Variants in ESPNL observed in about 807,000 individuals in gnomAD.
ESPNL encodes the protein espin like.
Under a neutral mutation model 46.8 loss-of-function variants are expected in ESPNL, and 49 were observed. The ratio of observed to expected loss-of-function variants is 1.05; its 90% CI spans 0.83 to 1.33. ESPNL has a LOEUF of 1.33. Among genes scored for constraint, ESPNL ranks in the 40% most tolerant of loss-of-function variants. The pLI is 0.00. For missense variants in ESPNL, 1,540 were observed against 1,436.6 expected (o/e 1.07, Z -1.16); for synonymous variants, 664 against 662.1 (o/e 1.00, Z -0.04).
At position 238,116,892 on chromosome 2, in the gene ESPNL, C is replaced by T. The variant is rs751980999; in HGVS notation, c.856-11C>T. On this transcript the variant is annotated splice_polypyrimidine_tract_variant and intron_variant, in intron 4 of 8. Transcript: ENST00000343063. ...TCGTGGTGGGTCACATGTGTGCCCT[C>T]CTCACTGCAGTGCTGCCAGACCCTA... is the stretch of plus-strand genomic sequence containing the variant. 8 of 1,611,828 alleles carry T rather than the reference C, an allele frequency of 5.0e-6. No homozygotes were observed. The highest frequency in any genetic ancestry group is 2.2e-5 in the East Asian group (1 of 44,864).
chr2:238,126,068 G>C (rs541003507), intron 6 of ESPNL, among the ~76,000 whole-genome samples: 1 of 149,048 alleles, frequency 6.7e-6, no homozygotes, highest in Non-Finnish European at 1.5e-5. Flanking sequence ...GTGTGTGATT[G>C]TTCATGTGTG....
At chr2:238,100,799 G>C (rs2106462466) in intron 1 of ESPNL, 86 bp downstream of exon 1, 2 of 1,203,506 alleles carry the variant, frequency 1.7e-6, no homozygotes, top group African/African-American at 3.2e-5. Context: ...CAGAGTACTG[G>C]CCACCCCGGG....
chr2:238,128,949 T>C (rs1182971520), intron 8 of ESPNL, 45 bp downstream of exon 8: 2 of 1,507,042 alleles, frequency 1.3e-6, no homozygotes, highest in African/African-American at 1.4e-5. Flanking sequence ...GGCGGGGCCT[T>C]TTCCAGGTAG....
chr2:238,128,955 G>A lies in ESPNL; in HGVS notation c.1413+51G>A, dbSNP rs562606261. 30 of 1,503,862 alleles carry A rather than the reference G, an allele frequency of 2.0e-5. No individual in the cohort carries two copies. The African/African-American group carries it at 4.0e-4, about 20-fold the overall frequency. The allele number at this position is 1,503,862 out of a possible 1,614,324, so 93.2% of individuals were successfully genotyped here. Reference sequence around the variant, plus strand: ...AGTGGGCGGGGCGGGGCCTTTTCCAGGTAGGTGGAAGTGGAAGTCAGGGCG... The same window carrying A: ...AGTGGGCGGGGCGGGGCCTTTTCCAAGTAGGTGGAAGTGGAAGTCAGGGCG... On this transcript the variant is annotated intron_variant, in intron 8 of 8. Transcript: ENST00000343063.
chr2:238,115,511 C>T (rs1445852606), intron 4 of ESPNL, among the ~76,000 whole-genome samples: 1 of 152,264 alleles, frequency 6.6e-6, no homozygotes, highest in Non-Finnish European at 1.5e-5. Flanking sequence ...TGCCAGGCCC[C>T]CTGCCACACA....
At chr2:238,124,433 TTC>T (rs1692052565) in intron 5 of ESPNL, among the ~76,000 whole-genome samples, 1 of 152,170 alleles carries the variant, frequency 6.6e-6, no homozygotes, top group South Asian at 2.1e-4. Context: ...CTCACCAGGT[TTC>T]TCACTTGGCC....
intron 3 of ESPNL, among the ~76,000 whole-genome samples, chr2:238,105,614 C>T (rs1691579714): frequency 1.3e-5 from 2 of 151,612 alleles, no homozygotes; most frequent in Non-Finnish European, 2.9e-5. Context: ...AGGAGTGGGG[C>T]CCAAAGCAAC....
At chr2:238,121,235 G>A (rs1574739396) in intron 5 of ESPNL, among the ~76,000 whole-genome samples, 2 of 152,330 alleles carry the variant, frequency 1.3e-5, no homozygotes, top group East Asian at 3.9e-4. Context: ...TGGCTGTGGG[G>A]CTCTGAGTGC....
intron 3 of ESPNL, among the ~76,000 whole-genome samples, chr2:238,105,556 G>A (rs948387838): frequency 7.9e-5 from 12 of 151,802 alleles, no homozygotes; most frequent in African/African-American, 2.9e-4. Context: ...CCTCTTTGAG[G>A]AGGGGACTTG....
At chr2:238,129,191 G>A (rs1692220016) in intron 8 of ESPNL, 2 of 1,353,602 alleles carry the variant, frequency 1.5e-6, no homozygotes, top group South Asian at 3.7e-5. Context: ...AGGCCTTCCT[G>A]GGCGCAGCGT....
intron 6 of ESPNL, among the ~76,000 whole-genome samples, chr2:238,125,787 GTGGAGTGGAGTGGAGTGGAGTGGAA>G (rs996329894): frequency 2.0e-5 from 3 of 151,954 alleles, no homozygotes; most frequent in African/African-American, 7.2e-5. Flanking sequence ...GTGGAGTGGA[GTGGAGTGGAGTGGAGTGGAGTGGAA>G]TGGAATTATC....
chr2:238,131,474 G>A lies in ESPNL; in HGVS notation c.2760G>A (p.Glu920=). The change falls in exon 9 of 9, where the codon GAG becomes GAA. Residue 920 remains glutamate, a synonymous_variant. Transcript: ENST00000343063. ...GCCGGGCCTGGACCGACGGCTTCGAGGACATCAAAGCCCGCTTCTTTGGCT... is the reference window on the plus strand; with the variant it reads ...GCCGGGCCTGGACCGACGGCTTCGAAGACATCAAAGCCCGCTTCTTTGGCT... ...AGRRAWTDGF[E]DIKARFFGSS... The A allele has an allele frequency of 1.9e-6, 3 of 1,611,744 alleles. No individual in the cohort carries two copies. The highest frequency in any genetic ancestry group is 1.1e-5 in the South Asian group (1 of 91,026).
intron 5 of ESPNL, among the ~76,000 whole-genome samples, chr2:238,122,098 G>T (rs113385246): frequency 6.6e-6 from 1 of 152,248 alleles, no homozygotes; most frequent in African/African-American, 2.4e-5. Flanking sequence ...GGTCGGGGCC[G>T]TGGGGCCACA....
In ESPNL at chr2:238,130,194, A is replaced by C; in HGVS notation, c.1480A>C (p.Ile494Leu). The change falls in exon 9 of 9, where the codon ATC becomes CTC. Residue 494 changes from isoleucine (I) to leucine (L), a missense_variant. Transcript: ENST00000343063. ...GAGGTACTCACAGACTCATCAGGCC[A>C]TCCTGGGGCCCTTTGGGGAGCTGCT... ...AWRYSQTHQA[I>L]LGPFGELLTE... 1 of 1,612,712 alleles carries C rather than the reference A, an allele frequency of 6.2e-7. No homozygotes were observed. Among genetic ancestry groups the C allele is most frequent in the Non-Finnish European group, 8.5e-7 (1 of 1,179,850 alleles).
At chr2:238,101,587 G>A (rs964220326) in intron 1 of ESPNL, among the ~76,000 whole-genome samples, 1 of 152,188 alleles carries the variant, frequency 6.6e-6, no homozygotes, top group Non-Finnish European at 1.5e-5. Flanking sequence ...CCAGCCAGAG[G>A]TAGGTGTCCT....
intron 4 of ESPNL, among the ~76,000 whole-genome samples, chr2:238,113,077 G>T (rs1425823855): frequency 6.6e-6 from 1 of 152,120 alleles, no homozygotes; most frequent in Non-Finnish European, 1.5e-5. Context: ...CTATTATTCT[G>T]GATTTGTCTG....
chr2:238,117,049 C>T lies in ESPNL; in HGVS notation c.987+15C>T. The T allele has an allele frequency of 2.5e-6, 4 of 1,600,818 alleles. No homozygotes were observed. The highest frequency in any genetic ancestry group is 3.4e-6 in the Non-Finnish European group (4 of 1,174,204). On this transcript the variant is annotated intron_variant, in intron 5 of 8. Transcript: ENST00000343063. ...TGGCCCAGCCGGTAAGGCTCAGGGT[C>T]CCCAGCTGCCCTGGAGGCATGGGGG...
At chr2:238,128,959 G>GGTGGAA (rs1692211499) in intron 8 of ESPNL, 55 bp downstream of exon 8, 2 of 1,500,502 alleles carry the variant, frequency 1.3e-6, no homozygotes, top group Non-Finnish European at 8.9e-7. Context: ...TTTCCAGGTA[G>GGTGGAA]GTGGAAGTGG....
chr2:238,115,135 T>C (rs1054746255), intron 4 of ESPNL, among the ~76,000 whole-genome samples: 23 of 152,198 alleles, frequency 1.5e-4, no homozygotes, highest in African/African-American at 4.6e-4. Context: ...GTTCTGGCAC[T>C]GGTCTTTCGG....
Sources: allele counts gnomAD v4.1 joint callset (sites outside exome capture counted in the v4.1 genomes callset), GRCh38; gene constraint gnomAD v4.1.1; transcripts MANE v1.5; gene names NCBI Gene and HGNC (gene_info 2026-07-23, HGNC 2026-07-21).